Variants in DAB1 observed in about 807,000 individuals in gnomAD.
DAB1 encodes DAB adaptor protein 1.
DAB1 carries 15 observed loss-of-function variants against 64.6 expected under a neutral mutation model. That is an observed-to-expected ratio of 0.23 (90% CI 0.16 to 0.36). The LOEUF is 0.36. Ranked by LOEUF, DAB1 falls within the 10% of genes least tolerant of loss-of-function variation. The pLI, the probability that DAB1 is intolerant of heterozygous loss-of-function variation, is 1.00. For missense variants in DAB1, 596 were observed against 706.7 expected, an observed-to-expected ratio of 0.84 and a Z score of 1.78; for synonymous variants, 235 against 251.9, an observed-to-expected ratio of 0.93 and a Z score of 0.64.
At chr1:58,447,972 G>A (rs1003187525) in intron 3 of DAB1, among the ~76,000 whole-genome samples, 3 of 151,762 alleles carry the variant, frequency 2.0e-5, no homozygotes, top group Admixed American at 6.6e-5. Context: ...AATCTACCTT[G>A]CCATTCCCCC....
intron 2 of DAB1, among the ~76,000 whole-genome samples, chr1:57,213,117 A>G (rs917037950): frequency 6.6e-6 from 1 of 152,076 alleles, no homozygotes; most frequent in African/African-American, 2.4e-5. Context: ...CAAAAAAAAG[A>G]AAGAAAAAAG....
chr1:57,202,948 C>T (rs1166329653), intron 2 of DAB1, among the ~76,000 whole-genome samples: 1 of 152,140 alleles, frequency 6.6e-6, no homozygotes, highest in Non-Finnish European at 1.5e-5. Flanking sequence ...CCAAAAATTT[C>T]CAGTACAACA....
In DAB1 at chr1:57,519,639, A is replaced by C. The variant is rs149939994; in HGVS notation, n.625+129953T>G. On this transcript the variant is annotated intron_variant and non_coding_transcript_variant, in intron 7 of 20. Transcript: ENST00000485760. ...TTTGAGGGCATGAAATTGGAATCAC[A>C]AAAGAATAGATTCCTGTGCTGAGAA... is the stretch of plus-strand genomic sequence containing the variant. Among the ~76,000 whole-genome samples, 453 of 152,300 alleles carry C rather than the reference A, an allele frequency of 3.0e-3. 2 individuals carry two copies. The highest frequency in any genetic ancestry group is 0.026 in the South Asian group (127 of 4,828).
At chr1:57,710,371 G>A (rs944139378) in intron 6 of DAB1, among the ~76,000 whole-genome samples, 2 of 152,134 alleles carry the variant, frequency 1.3e-5, no homozygotes, top group Admixed American at 6.5e-5. Flanking sequence ...CTAATTCCAT[G>A]ATTCTGAGTT....
chr1:57,612,297 A>G (rs933087695), intron 7 of DAB1, among the ~76,000 whole-genome samples: 1 of 151,998 alleles, frequency 6.6e-6, no homozygotes, highest in Non-Finnish European at 1.5e-5. Context: ...GGTCTCAAAG[A>G]TGTCCACATC....
At chr1:57,002,265 C>T (rs1645896957) in intron 14 of DAB1, among the ~76,000 whole-genome samples, 1 of 152,142 alleles carries the variant, frequency 6.6e-6, no homozygotes, top group African/African-American at 2.4e-5. Flanking sequence ...GTCATGCAGG[C>T]CTAGCTTAGT....
chr1:58,035,306 C>A (rs564410618), intron 5 of DAB1, among the ~76,000 whole-genome samples: 1 of 152,222 alleles, frequency 6.6e-6, no homozygotes, highest in African/African-American at 2.4e-5. Flanking sequence ...CTATGCCCAA[C>A]GGGCCCTCCC....
chr1:58,376,136 G>A (rs1472650626), intron 3 of DAB1, among the ~76,000 whole-genome samples: 1 of 151,826 alleles, frequency 6.6e-6, no homozygotes, highest in Non-Finnish European at 1.5e-5. Flanking sequence ...CCAGCTCCTG[G>A]GTTCATTGAT....
At chr1:57,365,097 T>C (rs1013015862) in intron 1 of DAB1, among the ~76,000 whole-genome samples, 5 of 144,816 alleles carry the variant, frequency 3.5e-5, no homozygotes, top group African/African-American at 7.5e-5. Flanking sequence ...AATATATACG[T>C]ATGAATATAT....
chr1:57,973,506 C>T (rs1645847267), intron 5 of DAB1, among the ~76,000 whole-genome samples: 1 of 152,188 alleles, frequency 6.6e-6, no homozygotes, highest in Admixed American at 6.5e-5. Context: ...ATGTACATTA[C>T]ATAGACATGT....
chr1:58,202,952 A>G (rs867089966), intron 4 of DAB1, among the ~76,000 whole-genome samples: 7 of 152,266 alleles, frequency 4.6e-5, no homozygotes, highest in Admixed American at 6.5e-5. Context: ...AAAAGAGCAC[A>G]GACAACCTGC....
At chr1:57,549,212 G>C (rs1644887986) in intron 7 of DAB1, among the ~76,000 whole-genome samples, 1 of 152,140 alleles carries the variant, frequency 6.6e-6, no homozygotes, top group African/African-American at 2.4e-5. Context: ...CCAACTCTAA[G>C]ATACAGCTGT....
intron 5 of DAB1, among the ~76,000 whole-genome samples, chr1:58,120,334 G>A (rs1158250010): frequency 6.6e-6 from 1 of 152,124 alleles, no homozygotes; most frequent in East Asian, 1.9e-4. Flanking sequence ...CCCCCTCTCA[G>A]TGCTCCCTGT....
chr1:57,305,832 G>T (rs189400573), intron 1 of DAB1, among the ~76,000 whole-genome samples: 133 of 151,916 alleles, frequency 8.8e-4, no homozygotes, highest in African/African-American at 3.1e-3. Context: ...AGCCGGGCGC[G>T]GTTACGGGTG....
At chr1:58,458,833 A>AC (rs199766093) in intron 3 of DAB1, among the ~76,000 whole-genome samples, 7,656 of 148,978 alleles carry the variant, frequency 0.051, 234 homozygotes, top group East Asian at 0.11. Context: ...AAACAAACAA[A>AC]AAAAAAAAAC....
intron 1 of DAB1, among the ~76,000 whole-genome samples, chr1:57,312,556 T>A (rs1674811145): frequency 6.6e-6 from 1 of 152,212 alleles, no homozygotes; most frequent in South Asian, 2.1e-4. Context: ...GTAGTAAGTG[T>A]CACATCATAA....
At chr1:57,110,091 T>C (rs1655518787) in intron 4 of DAB1, among the ~76,000 whole-genome samples, 1 of 152,172 alleles carries the variant, frequency 6.6e-6, no homozygotes, top group East Asian at 1.9e-4. Flanking sequence ...TAATGGGCTA[T>C]AAGTAAAGTG....
chr1:58,471,468 C>T (rs1013531235), intron 3 of DAB1, among the ~76,000 whole-genome samples: 5 of 152,060 alleles, frequency 3.3e-5, no homozygotes, highest in African/African-American at 4.8e-5. Flanking sequence ...CATGATGTCT[C>T]GGGCAGGGAA....
chr1:57,343,576 A>G (rs1677830135), intron 1 of DAB1, among the ~76,000 whole-genome samples: 1 of 152,222 alleles, frequency 6.6e-6, no homozygotes, highest in African/African-American at 2.4e-5. Context: ...GGCGGGCTGC[A>G]GGTCCCGAGC....
Sources: allele counts gnomAD v4.1 joint callset (sites outside exome capture counted in the v4.1 genomes callset), GRCh38; gene constraint gnomAD v4.1.1; transcripts MANE v1.5; gene names NCBI Gene and HGNC (gene_info 2026-07-23, HGNC 2026-07-21).